The following ST7 variants were observed in gnomAD, a reference collection of about 807,000 sequenced individuals.
The protein encoded by ST7 is suppression of tumorigenicity 7, also known as suppressor of tumorigenicity 7 protein.
In ST7, 28 loss-of-function variants were observed where a neutral mutation model predicts 78.7. That is an observed-to-expected ratio of 0.36 (90% confidence interval 0.26 to 0.49). The LOEUF (loss-of-function observed/expected upper bound fraction) is 0.49. ST7 is among the 20% of genes least tolerant of loss of function. The pLI, the probability that ST7 is intolerant of heterozygous loss-of-function variation, is 0.99. For synonymous variants in ST7, 247 were observed against 249.6 expected, an observed-to-expected ratio of 0.99 and a Z score of 0.10; for missense variants, 418 against 696.0, an observed-to-expected ratio of 0.60 and a Z score of 4.49.
At chr7:117,202,525 C>T (rs1261150205) in intron 12 of ST7, among the ~76,000 whole-genome samples, 1 of 152,190 alleles carries the variant, frequency 6.6e-6, no homozygotes, top group East Asian at 1.9e-4. Context: ...AAAAATTTGT[C>T]ACCTTCGGTT....
intron 2 of ST7, among the ~76,000 whole-genome samples, chr7:117,114,708 A>G (rs1802716028): frequency 6.6e-6 from 1 of 152,214 alleles, no homozygotes; most frequent in Admixed American, 6.5e-5. Context: ...AATAGGGCAT[A>G]GGGAAATTCC....
At chr7:117,010,901 G>C (rs1795358782) in intron 1 of ST7, among the ~76,000 whole-genome samples, 2 of 152,186 alleles carry the variant, frequency 1.3e-5, no homozygotes, top group African/African-American at 2.4e-5. Flanking sequence ...CACTAGTCCA[G>C]GGAGGGAAGC....
intron 1 of ST7, among the ~76,000 whole-genome samples, chr7:116,988,816 C>T (rs1313670574): frequency 1.3e-5 from 2 of 152,158 alleles, no homozygotes; most frequent in Non-Finnish European, 2.9e-5. Context: ...ACTGAACTTC[C>T]AAAATGCACA....
Position 117,191,448 on chromosome 7 carries a change from G to C in ST7, c.1254+512G>C, listed in dbSNP as rs1274023068. On this transcript the variant is annotated intron_variant, in intron 12 of 15. Coordinates refer to ENST00000323984, the MANE Select transcript of ST7 (RefSeq NM_001369598.1). ...ACCATTTTAATAAGTGTATATAGTAGAAAATATTTGTCTTAGTTATTAACC... is the reference window on the plus strand; with the variant it reads ...ACCATTTTAATAAGTGTATATAGTACAAAATATTTGTCTTAGTTATTAACC... 6.6e-5 allele frequency among the ~76,000 whole-genome samples: 10 copies of C among 152,218 alleles called. No homozygotes were observed. In the South Asian group the frequency reaches 2.1e-3, roughly 32 times the overall value.
At chr7:117,016,680 A>T (rs1795631649) in intron 1 of ST7, among the ~76,000 whole-genome samples, 1 of 152,206 alleles carries the variant, frequency 6.6e-6, no homozygotes, top group African/African-American at 2.4e-5. Flanking sequence ...AGAGAAAAAA[A>T]TATGGTTTAA....
chr7:116,974,326 C>T (rs1793589868), intron 1 of ST7, among the ~76,000 whole-genome samples: 2 of 150,412 alleles, frequency 1.3e-5, no homozygotes, highest in Middle Eastern at 6.8e-3. Flanking sequence ...CTCACTGTGT[C>T]GCCCAGGCTG....
At chr7:117,175,671 A>G (rs1808294182) in intron 10 of ST7, among the ~76,000 whole-genome samples, 1 of 152,234 alleles carries the variant, frequency 6.6e-6, no homozygotes. Flanking sequence ...AGACTTAGAA[A>G]GGCTAAGTAA....
rs751342028 is a variant in ST7 at position 117,136,350 on chromosome 7, G to A, written c.865+115G>A. On this transcript the variant is annotated intron_variant, in intron 8 of 15. Transcript: ENST00000323984. ...TTCTCCTAGACAAGAGAAAATATTG[G>A]CTTTTGCTTTGTTTTTATTAATTTT... is the stretch of plus-strand genomic sequence containing the variant. 4 of 1,309,104 alleles carry A rather than the reference G, an allele frequency of 3.1e-6. No individual in the cohort carries two copies. The South Asian group carries it at 5.1e-5, about 17-fold the overall frequency. 81.1% of individuals were successfully genotyped at this position (1,309,104 alleles called of 1,614,324 possible). A position where few individuals can be genotyped will look rare whatever the true frequency, so the allele number is the denominator to read the frequency against.
At chr7:117,053,221 T>G (rs1198088668) in intron 1 of ST7, among the ~76,000 whole-genome samples, 2 of 152,188 alleles carry the variant, frequency 1.3e-5, no homozygotes. Context: ...ACCAAAATAG[T>G]TTGTAAAAAC....
At chr7:117,228,510 G>T (rs777531935) in intron 15 of ST7, among the ~76,000 whole-genome samples, 1 of 152,126 alleles carries the variant, frequency 6.6e-6, no homozygotes, top group Non-Finnish European at 1.5e-5. Flanking sequence ...TATGGATCTC[G>T]CATTTGATGA....
At chr7:117,114,965 TG>T (rs1802742255) in intron 2 of ST7, among the ~76,000 whole-genome samples, 1 of 152,208 alleles carries the variant, frequency 6.6e-6, no homozygotes, top group Non-Finnish European at 1.5e-5. Flanking sequence ...CAGTGCTCCT[TG>T]GTTATCCTTT....
At chr7:117,060,232 A>T (rs560667836) in intron 1 of ST7, among the ~76,000 whole-genome samples, 1 of 152,290 alleles carries the variant, frequency 6.6e-6, no homozygotes, top group African/African-American at 2.4e-5. Context: ...GTTAAAGAAT[A>T]AGAGTCTATG....
intron 1 of ST7, chr7:117,098,921 A>C: frequency 9.8e-7 from 1 of 1,015,774 alleles, no homozygotes; most frequent in Non-Finnish European, 1.3e-6. Flanking sequence ...GTGAACCCTA[A>C]TCAGTGAGCA....
At chr7:117,002,232 A>G (rs1215390864) in intron 1 of ST7, among the ~76,000 whole-genome samples, 1 of 152,204 alleles carries the variant, frequency 6.6e-6, no homozygotes, top group African/African-American at 2.4e-5. Flanking sequence ...TGTCTCAAAT[A>G]AAGTAAAATA....
At chr7:117,141,842 G>A (rs1436372724) in intron 9 of ST7, among the ~76,000 whole-genome samples, 2 of 151,878 alleles carry the variant, frequency 1.3e-5, no homozygotes, top group Non-Finnish European at 2.9e-5. Flanking sequence ...GCTAATTTTT[G>A]TATTTTTTGT....
At chr7:117,018,209 C>T (rs771903901) in intron 1 of ST7, among the ~76,000 whole-genome samples, 82 of 152,266 alleles carry the variant, frequency 5.4e-4, no homozygotes, top group Admixed American at 7.8e-4. Context: ...GCCTTTCTGA[C>T]GGCCACATCC....
intron 1 of ST7, among the ~76,000 whole-genome samples, chr7:117,053,207 T>G (rs1251492928): frequency 1.3e-5 from 2 of 152,238 alleles, no homozygotes; most frequent in Non-Finnish European, 2.9e-5. Context: ...AATTTTCTAC[T>G]CAAACCAAAA....
At chr7:117,081,417 C>T (rs541348688) in intron 1 of ST7, among the ~76,000 whole-genome samples, 1 of 152,014 alleles carries the variant, frequency 6.6e-6, no homozygotes, top group Non-Finnish European at 1.5e-5. Context: ...TTGGATGCCT[C>T]CCCACAATTT....
intron 1 of ST7, among the ~76,000 whole-genome samples, chr7:117,081,861 T>TA (rs1413824029): frequency 1.3e-5 from 2 of 151,360 alleles, no homozygotes; most frequent in Admixed American, 1.3e-4. Context: ...TACACACACA[T>TA]ACACTGAGAC....
Sources: allele counts gnomAD v4.1 joint callset (sites outside exome capture counted in the v4.1 genomes callset), GRCh38; gene constraint gnomAD v4.1.1; transcripts MANE v1.5; gene names NCBI Gene and HGNC (gene_info 2026-07-23, HGNC 2026-07-21).